The following ZSCAN20 variants were observed in gnomAD, a reference collection of about 807,000 sequenced individuals.
ZSCAN20 encodes the protein zinc finger and SCAN domain-containing protein 20.
ZSCAN20 carries 39 observed loss-of-function variants against 97.1 expected under a neutral mutation model. The observed-to-expected ratio is 0.40, with a 90% confidence interval of 0.31 to 0.52. The LOEUF (loss-of-function observed/expected upper bound fraction) is 0.52. Ranked by LOEUF, ZSCAN20 falls within the 20% of genes least tolerant of loss-of-function variation. The pLI is 0.49. For synonymous variants in ZSCAN20, 456 were observed against 467.3 expected (o/e 0.98, Z 0.31); for missense variants, 1,115 against 1,290.4 (o/e 0.86, Z 2.08).
chr1:33,476,959 T>G (rs968153833), intron 1 of ZSCAN20, among the ~76,000 whole-genome samples: 6 of 152,194 alleles, frequency 3.9e-5, no homozygotes, highest in Non-Finnish European at 8.8e-5. Context: ...TATCAGATAC[T>G]GGGTTGAGCA....
At chr1:33,478,647 A>G (rs1229359591) in intron 1 of ZSCAN20, among the ~76,000 whole-genome samples, 1 of 152,118 alleles carries the variant, frequency 6.6e-6, no homozygotes, top group Non-Finnish European at 1.5e-5. Context: ...GGGATAGCAT[A>G]GAGTTGTTGG....
chr1:33,493,480 A>T lies in ZSCAN20; in HGVS notation c.1738A>T (p.Thr580Ser), dbSNP rs760956186. 1 of 1,614,180 alleles carries T rather than the reference A, an allele frequency of 6.2e-7. No individual in the cohort carries two copies. The highest frequency in any genetic ancestry group is 1.7e-5 in the Admixed American group (1 of 60,024). Reference protein sequence around the residue: ...RARAAVRAMGTVREAAGLPRC... With the variant: ...RARAAVRAMGSVREAAGLPRC... ...TCGGGCTGCAGTCAGGGCCATGGGG[A>T]CTGTCCGAGAGGCTGCAGGTCTCCC... Residue 580 changes from threonine to serine, a missense_variant, in exon 7 of 8, where the codon ACT (threonine) becomes TCT (serine). Coordinates refer to ENST00000684572, the MANE Select transcript of ZSCAN20 (RefSeq NM_001377376.1). The surrounding 1 kb of genome is among the most constrained non-coding windows in gnomAD (Gnocchi z 4.3).
chr1:33,479,091 C>G, intron 1 of ZSCAN20, 88 bp from the exon 2 acceptor site: 1 of 565,968 alleles, frequency 1.8e-6, no homozygotes. Flanking sequence ...TGCCCCCATG[C>G]AAAGGTGGCG....
At position 33,494,676 on chromosome 1, in the gene ZSCAN20, C is replaced by G; in HGVS notation, c.2332C>G (p.His778Asp). The change falls in exon 8 of 8, where the codon CAT becomes GAT. Residue 778 changes from histidine (H) to aspartate (D), a missense_variant. By Grantham distance (81) the His-to-Asp change is moderately conservative. Transcript: ENST00000684572. ...TGAATGTGGGAAAAGCTTTAGTGAC[C>G]ATTCTAATCTCATCACTCACCAGAG... is the stretch of plus-strand genomic sequence containing the variant. Reference protein sequence around the residue: ...CLECGKSFSDHSNLITHQRIH... With the variant: ...CLECGKSFSDDSNLITHQRIH... The G allele has an allele frequency of 6.2e-7, 1 of 1,613,788 alleles. No individual in the cohort carries two copies. The highest frequency in any genetic ancestry group is 2.2e-5 in the East Asian group (1 of 44,824).
rs375920196 is a variant in ZSCAN20, at chr1:33,491,525, G to C, written c.1267G>C (p.Glu423Gln). 1.2e-5 allele frequency: 19 copies of C among 1,614,098 alleles called. No individual in the cohort carries two copies. Among genetic ancestry groups the C allele is most frequent in the Non-Finnish European group, 1.4e-5 (17 of 1,179,946 alleles). ...TAIRATDGPG[E>Q]AVALPRLGYS... is the part of the protein sequence containing the mutation. ...CATCAGAGCCACAGATGGCCCAGGA[G>C]AGGCCGTGGCACTTCCCAGGCTCGG... The change falls in exon 6 of 8, where the codon GAG becomes CAG. Residue 423 changes from glutamate (E) to glutamine (Q), a missense_variant. Coordinates refer to ENST00000684572, the MANE Select transcript of ZSCAN20 (RefSeq NM_001377376.1). The surrounding 1 kb of genome is among the most constrained non-coding windows in gnomAD (Gnocchi z 4.3).
At position 33,500,601 on chromosome 1, in the gene ZSCAN20, T is replaced by C. The variant is rs1976258; in HGVS notation, c.*5125T>C. ...TAATGAGGGCGCTGTTGGTGATTCT[T>C]TTTGTGTGTAAAGATGCTTCTGATC... On this transcript the variant is annotated 3_prime_UTR_variant, in exon 8 of 8. Coordinates refer to ENST00000684572, the MANE Select transcript of ZSCAN20 (RefSeq NM_001377376.1). Among the ~76,000 whole-genome samples, 116,148 of 151,240 alleles carry C rather than the reference T, an allele frequency of 0.77. 44,924 individuals are homozygous for C. Among genetic ancestry groups the C allele is most frequent in the African/African-American group, 0.82 (33,892 of 41,198 alleles).
chr1:33,491,860 TC>T lies in ZSCAN20; in HGVS notation c.1444+161del, dbSNP rs1423713683. The T allele has an allele frequency of 1.3e-5, 9 of 669,824 alleles. No individual in the cohort carries two copies. Among genetic ancestry groups the T allele is most frequent in the Non-Finnish European group, 2.1e-5 (9 of 438,502 alleles). The allele number at this position is 669,824 out of a possible 1,614,324, so 41.5% of individuals were successfully genotyped here. ...TCATCCTCAAACTCCAACTTTCTTT[TC>T]CCATGACCAAGTCTCTTTGCAAAAG... On this transcript the variant is annotated intron_variant, in intron 6 of 7. Transcript: ENST00000684572. This position sits in a 1 kb window ranked among gnomAD's most constrained non-coding sequence, Gnocchi z 4.3.
intron 1 of ZSCAN20, among the ~76,000 whole-genome samples, chr1:33,473,860 T>C (rs530261071): frequency 1.3e-5 from 2 of 152,328 alleles, no homozygotes; most frequent in South Asian, 2.1e-4. Context: ...TGTTTCCCCA[T>C]TGCCCAGTCT....
rs1210288881 is a variant in ZSCAN20, at chr1:33,496,820, C to G, written c.*1344C>G. Among the ~76,000 whole-genome samples the G allele has an allele frequency of 6.6e-6, 1 of 152,196 alleles. No individual in the cohort carries two copies. The highest frequency in any genetic ancestry group is 6.5e-5 in the Admixed American group (1 of 15,288). ...TTGGCACAATTTTACCCTGAGCCAT[C>G]CTGTCCCAGGCCTGCCCAGGGCTTT... On this transcript the variant is annotated 3_prime_UTR_variant, in exon 8 of 8. Transcript: ENST00000684572.
intron 2 of ZSCAN20, among the ~76,000 whole-genome samples, chr1:33,485,387 A>G (rs993732798): frequency 7.2e-5 from 11 of 151,924 alleles, no homozygotes; most frequent in African/African-American, 1.5e-4. Context: ...CATTTCTGAT[A>G]TTAATAATTT....
At chr1:33,494,156 C>A in intron 7 of ZSCAN20, 62 bp from the exon 8 acceptor site, 1 of 1,449,860 alleles carries the variant, frequency 6.9e-7, no homozygotes, top group Non-Finnish European at 9.3e-7. Flanking sequence ...CAGACACACA[C>A]AAACACACAC....
rs1178522758 is a variant in ZSCAN20, at chr1:33,499,180, A to G, written c.*3704A>G. Among the ~76,000 whole-genome samples, 1 of 152,026 alleles carries G rather than the reference A, an allele frequency of 6.6e-6. No individual in the cohort carries two copies. Among genetic ancestry groups the G allele is most frequent in the Non-Finnish European group, 1.5e-5 (1 of 67,978 alleles). On this transcript the variant is annotated 3_prime_UTR_variant, in exon 8 of 8. Transcript: ENST00000684572. ...GAGTCACTTTCTGTAGGGGAGTAACACCCTTTGGGGACAGGGGTGCAGTTT... is the reference window on the plus strand; with the variant it reads ...GAGTCACTTTCTGTAGGGGAGTAACGCCCTTTGGGGACAGGGGTGCAGTTT...
intron 2 of ZSCAN20, among the ~76,000 whole-genome samples, chr1:33,485,533 C>CA (rs59405726): frequency 2.0e-5 from 3 of 151,706 alleles, no homozygotes; most frequent in Admixed American, 6.6e-5. Context: ...CCTCAGCCCC[C>CA]TGTAGCTGGG....
rs12036772 is a variant in ZSCAN20, at chr1:33,477,443, A to T, written c.-110-1736A>T. Among the ~76,000 whole-genome samples, 130 of 151,846 alleles carry T rather than the reference A, an allele frequency of 8.6e-4. 4 individuals carry two copies. In the East Asian group the frequency reaches 0.022, roughly 25 times the overall value. ...AGTGGGCATTTTTTATGTCACCCAGACTTGTTGGGATGACACAGAGAGCTC... is the reference window on the plus strand; with the variant it reads ...AGTGGGCATTTTTTATGTCACCCAGTCTTGTTGGGATGACACAGAGAGCTC... On this transcript the variant is annotated intron_variant, in intron 1 of 7. Coordinates refer to ENST00000684572, the MANE Select transcript of ZSCAN20 (RefSeq NM_001377376.1).
rs1653020677 is a variant in ZSCAN20 at position 33,500,269 on chromosome 1, G to C, written c.*4793G>C. Among the ~76,000 whole-genome samples the C allele has an allele frequency of 6.6e-6, 1 of 152,118 alleles. No individual in the cohort carries two copies. The highest frequency in any genetic ancestry group is 2.1e-4 in the South Asian group (1 of 4,822). Reference sequence around the variant, plus strand: ...CCCCCACCCCATGCTGCAGCTGAGTGGGTGACCTTTCTCCTCACCTCCGTG... The same window carrying C: ...CCCCCACCCCATGCTGCAGCTGAGTCGGTGACCTTTCTCCTCACCTCCGTG... On this transcript the variant is annotated 3_prime_UTR_variant, in exon 8 of 8. Coordinates refer to ENST00000684572, the MANE Select transcript of ZSCAN20 (RefSeq NM_001377376.1).
At chr1:33,489,695 C>A in intron 5 of ZSCAN20, 93 bp downstream of exon 5, 2 of 1,094,516 alleles carry the variant, frequency 1.8e-6, no homozygotes, top group Non-Finnish European at 2.7e-6. Context: ...AGAATCATGG[C>A]TCTGCAGTCT....
Position 33,495,442 on chromosome 1 carries a change from A to G in ZSCAN20, c.3098A>G (p.His1033Arg). 6.4e-7 allele frequency: 1 copy of G among 1,553,796 alleles called. No individual in the cohort carries two copies. The highest frequency in any genetic ancestry group is 8.7e-7 in the Non-Finnish European group (1 of 1,150,014). ...AACAACAGTTCCCACTTCAGTGCTC[A>G]CCGGAGAACCCATGCAGGAGGGAAG... ...DFNNSSHFSA[H>R]RRTHAGGKAS The change falls in exon 8 of 8, where the codon CAC (histidine) becomes CGC (arginine). Residue 1033 changes from histidine to arginine, a missense_variant. Coordinates refer to ENST00000684572, the MANE Select transcript of ZSCAN20 (RefSeq NM_001377376.1).
intron 2 of ZSCAN20, among the ~76,000 whole-genome samples, chr1:33,481,690 T>C (rs541346338): frequency 6.6e-6 from 1 of 152,298 alleles, no homozygotes; most frequent in Admixed American, 6.5e-5. Context: ...ATAATATTCC[T>C]CAAAGTGAAC....
Position 33,479,641 on chromosome 1 carries a change from G to A in ZSCAN20, c.353G>A (p.Ser118Asn), listed in dbSNP as rs757285535. 6.2e-7 allele frequency: 1 copy of A among 1,607,416 alleles called. No homozygotes were observed. Among genetic ancestry groups the A allele is most frequent in the Non-Finnish European group, 8.5e-7 (1 of 1,177,350 alleles). Residue 118 changes from serine to asparagine, a missense_variant, in exon 2 of 8, where the codon AGT becomes AAT. Physicochemically the swap from Ser to Asn is conservative, Grantham distance 46. Transcript: ENST00000684572. Reference sequence around the variant, plus strand: ...TGGGTGCAGGCACGCCACCCTGAGAGTGGTGAGGAGGCTGTGGCCTTGGTG... The same window carrying A: ...TGGGTGCAGGCACGCCACCCTGAGAATGGTGAGGAGGCTGTGGCCTTGGTG... ...QTWVQARHPE[S>N]GEEAVALVED...
Sources: allele counts gnomAD v4.1 joint callset (sites outside exome capture counted in the v4.1 genomes callset), GRCh38; gene constraint gnomAD v4.1.1; non-coding constraint Gnocchi (gnomAD v3.1); transcripts MANE v1.5; gene names NCBI Gene and HGNC (gene_info 2026-07-23, HGNC 2026-07-21).